Variants in KLRG1 observed in about 807,000 individuals in gnomAD.
KLRG1 encodes the protein killer cell lectin like receptor G1, also known as killer cell lectin-like receptor subfamily G member 1.
KLRG1 carries 16 observed loss-of-function variants against 21.8 expected under a neutral mutation model. The observed-to-expected ratio is 0.73, with a 90% CI of 0.50 to 1.11. The LOEUF (loss-of-function observed/expected upper bound fraction) is 1.11. Ranked by LOEUF, KLRG1 falls within the 50% of genes most tolerant of loss-of-function variation. The probability of loss-of-function intolerance (pLI) is 0.00; values close to 1 mark genes in which losing one functional copy is unlikely to be tolerated. For missense variants in KLRG1, 173 were observed against 218.3 expected (o/e 0.79, Z 1.31); for synonymous variants, 69 against 75.9 (o/e 0.91, Z 0.47).
chr12:9,157,935 C>T, the KLRG1 span: 1 of 1,036,876 alleles, frequency 9.6e-7, no homozygotes, highest in Non-Finnish European at 1.5e-6. Context: ...GTATCTGTTT[C>T]CATTCAAAGT....
the KLRG1 span, among the ~76,000 whole-genome samples, chr12:9,212,426 G>A: frequency 2.0e-5 from 3 of 152,160 alleles, no homozygotes; most frequent in Admixed American, 6.5e-5. Flanking sequence ...GCCATTTTAG[G>A]ATTCACTGTA....
the KLRG1 span, among the ~76,000 whole-genome samples, chr12:9,184,554 G>C: frequency 6.6e-6 from 1 of 152,230 alleles, no homozygotes; most frequent in Non-Finnish European, 1.5e-5. Context: ...TGCCACAGCT[G>C]ATGAGCGTGT....
At chr12:9,017,740 A>C in the KLRG1 span, among the ~76,000 whole-genome samples, 1 of 152,204 alleles carries the variant, frequency 6.6e-6, no homozygotes, top group South Asian at 2.1e-4. Context: ...CCGTTATTCA[A>C]TATAGTACTG....
downstream of KLRG1, among the ~76,000 whole-genome samples, chr12:9,014,287 A>C (rs894796349): frequency 7.2e-5 from 11 of 152,176 alleles, no homozygotes; most frequent in African/African-American, 2.7e-4. Context: ...AGTAGACTTA[A>C]CTCAAATAAG....
chr12:9,111,902 G>T, the KLRG1 span: 1 of 568,918 alleles, frequency 1.8e-6, no homozygotes, highest in Non-Finnish European at 3.4e-6. Context: ...CTTTCTAATT[G>T]TCCTAATTAA....
the KLRG1 span, among the ~76,000 whole-genome samples, chr12:9,212,477 TGTTA>T: frequency 0.072 from 10,930 of 152,300 alleles, 474 homozygotes; most frequent in Non-Finnish European, 0.093. Flanking sequence ...AGTTTTTTTA[TGTTA>T]GTTATTTTCT....
At chr12:8,980,008 G>A (rs1046980680) in intron 1 of KLRG1, among the ~76,000 whole-genome samples, 9 of 151,918 alleles carry the variant, frequency 5.9e-5, no homozygotes, top group Non-Finnish European at 1.3e-4. Flanking sequence ...TTAAGTGATT[G>A]TCCTGCCTCA....
At chr12:9,183,462 CAATCATAGCTCACTGCAGCCTCGAATT>C in the KLRG1 span, among the ~76,000 whole-genome samples, 1 of 152,044 alleles carries the variant, frequency 6.6e-6, no homozygotes. Context: ...TGCAGTGGTG[CAATCATAGCTCACTGCAGCCTCGAATT>C]TCTGGGCTCA....
the KLRG1 span, among the ~76,000 whole-genome samples, chr12:9,114,386 T>A: frequency 1.3e-5 from 2 of 152,230 alleles, no homozygotes; most frequent in Non-Finnish European, 2.9e-5. Flanking sequence ...TTATCATGAT[T>A]TTAAGTAATA....
At chr12:9,130,726 T>A in the KLRG1 span, among the ~76,000 whole-genome samples, 13 of 151,866 alleles carry the variant, frequency 8.6e-5, no homozygotes, top group African/African-American at 3.1e-4. Context: ...TCTTTGTAAA[T>A]TTTTTTTTCC....
chr12:9,174,064 T>C, the KLRG1 span, among the ~76,000 whole-genome samples: 2 of 152,192 alleles, frequency 1.3e-5, no homozygotes, highest in Non-Finnish European at 2.9e-5. Context: ...TGAACATCGA[T>C]GCAAAAATCC....
chr12:9,027,405 A>G, the KLRG1 span: 26 of 545,956 alleles, frequency 4.8e-5, no homozygotes, highest in Admixed American at 2.3e-4. Flanking sequence ...TGCGTAAAAC[A>G]TGTCTTCTTT....
At chr12:9,049,847 G>A in the KLRG1 span, among the ~76,000 whole-genome samples, 1 of 152,096 alleles carries the variant, frequency 6.6e-6, no homozygotes, top group Non-Finnish European at 1.5e-5. Context: ...AAATAATACT[G>A]CTCGGTATCT....
the KLRG1 span, among the ~76,000 whole-genome samples, chr12:9,043,812 A>G: frequency 1.3e-5 from 2 of 152,222 alleles, no homozygotes; most frequent in East Asian, 1.9e-4. Flanking sequence ...GCTTCTTCCT[A>G]TAGTTTTTGA....
chr12:9,057,379 C>T, the KLRG1 span, among the ~76,000 whole-genome samples: 1 of 151,926 alleles, frequency 6.6e-6, no homozygotes, highest in African/African-American at 2.4e-5. Context: ...GGTGACAGGG[C>T]AAGAGGGATG....
At chr12:9,165,476 G>A in the KLRG1 span, 1 of 1,223,698 alleles carries the variant, frequency 8.2e-7, no homozygotes, top group Non-Finnish European at 1.2e-6. Flanking sequence ...CCACTTAAGG[G>A]TATATGCGAG....
the KLRG1 span, chr12:9,192,077 G>T: frequency 1.2e-6 from 1 of 837,850 alleles, no homozygotes; most frequent in South Asian, 1.6e-5. Context: ...ATTTTCCTGC[G>T]TGTCCTCCTT....
At chr12:8,953,796 A>G (rs150791400) in intron 1 of KLRG1, among the ~76,000 whole-genome samples, 6 of 152,204 alleles carry the variant, frequency 3.9e-5, no homozygotes, top group Middle Eastern at 3.2e-3. Flanking sequence ...AGAGGACTCT[A>G]TGATACAGAA....
chr12:9,149,098 G>T, the KLRG1 span: 1 of 986,050 alleles, frequency 1.0e-6, no homozygotes, highest in Non-Finnish European at 1.6e-6. Flanking sequence ...GAAACTTTGT[G>T]AAAGGCCAGA....
Sources: allele counts gnomAD v4.1 joint callset (sites outside exome capture counted in the v4.1 genomes callset), GRCh38; gene constraint gnomAD v4.1.1; transcripts MANE v1.5; gene names NCBI Gene and HGNC (gene_info 2026-07-23, HGNC 2026-07-21).